The following GREB1L variants were observed in gnomAD, a reference collection of about 807,000 sequenced individuals.
GREB1L encodes GREB1-like protein.
In GREB1L, 17 loss-of-function variants were observed where a neutral mutation model predicts 200.8. The ratio of observed to expected loss-of-function variants is 0.08; its 90% CI spans 0.06 to 0.13. GREB1L has a LOEUF of 0.13. Ranked by LOEUF, GREB1L falls within the 10% of genes least tolerant of loss-of-function variation. GREB1L has a pLI of 1.00. For synonymous variants in GREB1L, 789 were observed against 893.0 expected, an observed-to-expected ratio of 0.88 and a Z score of 2.08; for missense variants, 1,657 against 2,367.7, an observed-to-expected ratio of 0.70 and a Z score of 6.23.
rs1016850422 is a variant in GREB1L, at chr18:21,516,613, G to A, written c.5130G>A (p.Arg1710=). 2.6e-6 allele frequency: 4 copies of A among 1,551,328 alleles called. No individual in the cohort carries two copies. The South Asian group carries it at 3.6e-5, about 14-fold the overall frequency. Residue 1710 remains arginine (R), a splice_region_variant and synonymous_variant, in exon 30 of 33, where the codon AGG becomes AGA. Transcript: ENST00000424526. The stretch of plus-strand genomic sequence containing the variant: ...AACTATTGTTGTGGTTACAATTTAG[G>A]TATTTCTGTGAAGATGCTGACTTTA... ...LTQNVQYDFN[R]YFCEDADFNL...
chr18:21,476,137 G>T (rs1187708296), intron 16 of GREB1L, among the ~76,000 whole-genome samples: 1 of 151,950 alleles, frequency 6.6e-6, no homozygotes, highest in African/African-American at 2.4e-5. Context: ...TACATATCAT[G>T]GTTTGTCCTC....
At chr18:21,242,587 G>C (rs1375501448) in intron 1 of GREB1L, among the ~76,000 whole-genome samples, 194 bp downstream of exon 1, 2 of 152,144 alleles carry the variant, frequency 1.3e-5, no homozygotes, top group Non-Finnish European at 2.9e-5. Context: ...GCGTGCGGGT[G>C]GCGAGGGAGC....
chr18:21,286,690 C>A (rs750854458), intron 1 of GREB1L, among the ~76,000 whole-genome samples: 1 of 152,178 alleles, frequency 6.6e-6, no homozygotes, highest in African/African-American at 2.4e-5. Flanking sequence ...TCATTTGGGA[C>A]AGGCACTCAC....
chr18:21,405,941 G>A (rs2030160899), intron 7 of GREB1L, among the ~76,000 whole-genome samples: 1 of 151,754 alleles, frequency 6.6e-6, no homozygotes, highest in Non-Finnish European at 1.5e-5. Flanking sequence ...AGATCAGACT[G>A]GGCAACATAG....
chr18:21,395,356 T>C (rs1189743149), intron 4 of GREB1L, 29 bp from the exon 5 acceptor site: 9 of 1,504,928 alleles, frequency 6.0e-6, no homozygotes, highest in Non-Finnish European at 8.1e-6. Flanking sequence ...AACATTTCAC[T>C]GTGTCCTTTT....
intron 15 of GREB1L, among the ~76,000 whole-genome samples, chr18:21,463,785 G>A (rs10454718): frequency 3.9e-5 from 6 of 152,032 alleles, no homozygotes; most frequent in African/African-American, 1.2e-4. Context: ...GCTCAGGCTG[G>A]TCTCAAACTC....
At position 21,505,490 on chromosome 18, in the gene GREB1L, T is replaced by G; in HGVS notation, c.4151T>G (p.Phe1384Cys). The G allele has an allele frequency of 6.4e-7, 1 of 1,551,690 alleles. No individual in the cohort carries two copies. The highest frequency in any genetic ancestry group is 8.7e-7 in the Non-Finnish European group (1 of 1,146,996). The part of the protein sequence containing the change: ...PDIESFSKMP[F>C]DVSVHDPKYS... ...ATCGAGAGCTTCAGTAAAATGCCTT[T>G]TGATGTCAGTGTGCATGACCCCAAG... Residue 1384 changes from phenylalanine (F) to cysteine (C), a missense_variant, in exon 24 of 33, where the codon TTT (phenylalanine) becomes TGT (cysteine). Coordinates refer to ENST00000424526, the MANE Select transcript of GREB1L (RefSeq NM_001142966.3).
intron 2 of GREB1L, among the ~76,000 whole-genome samples, chr18:21,368,070 A>G (rs1387591381): frequency 6.6e-6 from 1 of 152,236 alleles, no homozygotes; most frequent in Non-Finnish European, 1.5e-5. Context: ...TACAATGTAT[A>G]TAGTAAGGGA....
intron 7 of GREB1L, among the ~76,000 whole-genome samples, chr18:21,437,860 A>G (rs2033646553): frequency 6.6e-6 from 1 of 152,258 alleles, no homozygotes; most frequent in Non-Finnish European, 1.5e-5. Context: ...ACAGATAATT[A>G]AAAGATAGTT....
intron 1 of GREB1L, among the ~76,000 whole-genome samples, chr18:21,325,342 A>G (rs1030380888): frequency 7.2e-5 from 11 of 152,192 alleles, no homozygotes; most frequent in Non-Finnish European, 1.5e-5. Context: ...TTTGGGAGAC[A>G]AATAACCAAG....
chr18:21,483,286 G>A (rs1420071618), intron 17 of GREB1L, among the ~76,000 whole-genome samples: 1 of 152,208 alleles, frequency 6.6e-6, no homozygotes, highest in East Asian at 1.9e-4. Context: ...GGGTGAGAGG[G>A]AAACGTGAAG....
chr18:21,274,682 T>C (rs2038133379), intron 1 of GREB1L, among the ~76,000 whole-genome samples: 1 of 150,774 alleles, frequency 6.6e-6, no homozygotes, highest in African/African-American at 2.4e-5. Context: ...TCACTTGAGC[T>C]TAAGAGTTTG....
chr18:21,299,186 G>T (rs1400255071), intron 1 of GREB1L, among the ~76,000 whole-genome samples: 1 of 151,588 alleles, frequency 6.6e-6, no homozygotes, highest in African/African-American at 2.4e-5. Context: ...GCTGAGGCAG[G>T]AGAATCACTT....
At chr18:21,266,623 TG>T (rs1567913716) in intron 1 of GREB1L, among the ~76,000 whole-genome samples, 1 of 152,224 alleles carries the variant, frequency 6.6e-6, no homozygotes, top group East Asian at 1.9e-4. Context: ...ACACATTGCA[TG>T]CTTTAAAAAT....
At chr18:21,262,494 C>T (rs1026091486) in intron 1 of GREB1L, among the ~76,000 whole-genome samples, 7 of 152,064 alleles carry the variant, frequency 4.6e-5, no homozygotes, top group African/African-American at 1.4e-4. Flanking sequence ...ACTTTTGCTC[C>T]GTTACACTTC....
chr18:21,484,449 T>C (rs1406370479), intron 17 of GREB1L, among the ~76,000 whole-genome samples: 2 of 152,166 alleles, frequency 1.3e-5, no homozygotes, highest in African/African-American at 4.8e-5. Context: ...CTTTATCTTA[T>C]TACATTTTTT....
chr18:21,270,874 T>C (rs1430520776), intron 1 of GREB1L, among the ~76,000 whole-genome samples: 1 of 152,232 alleles, frequency 6.6e-6, no homozygotes, highest in East Asian at 1.9e-4. Context: ...GTACATTGTA[T>C]TGATTGTGTC....
intron 16 of GREB1L, among the ~76,000 whole-genome samples, chr18:21,476,195 A>T (rs550450041): frequency 3.3e-4 from 50 of 152,080 alleles, no homozygotes; most frequent in African/African-American, 1.2e-3. Context: ...GCATTTGTAG[A>T]TGTTCTTTTC....
At chr18:21,262,073 A>T (rs556005804) in intron 1 of GREB1L, among the ~76,000 whole-genome samples, 1 of 152,284 alleles carries the variant, frequency 6.6e-6, no homozygotes, top group Non-Finnish European at 1.5e-5. Flanking sequence ...ACCAGTAAGG[A>T]TGCAAATTGT....
Sources: gnomAD v4.1 joint callset for allele counts (sites outside exome capture counted in the v4.1 genomes callset) on GRCh38, gnomAD v4.1.1 for gene constraint, MANE v1.5 for transcripts, NCBI Gene and HGNC (gene_info 2026-07-23, HGNC 2026-07-21) for gene names.